Variants in SEC22C observed in about 807,000 individuals in gnomAD.
The protein encoded by SEC22C is vesicle-trafficking protein SEC22c.
SEC22C carries 29 observed loss-of-function variants against 34.7 expected under a neutral mutation model. The observed-to-expected ratio is 0.84, with a 90% CI of 0.62 to 1.14. The LOEUF (loss-of-function observed/expected upper bound fraction) is 1.14, where lower values mean the gene tolerates loss of function less well. SEC22C is among the 50% of genes most tolerant of loss of function. The probability of loss-of-function intolerance (pLI) is 0.00; values close to 1 mark genes in which losing one functional copy is unlikely to be tolerated. For missense variants in SEC22C, 337 were observed against 369.0 expected (o/e 0.91, Z 0.71); for synonymous variants, 117 against 132.8 (o/e 0.88, Z 0.82).
intron 1 of SEC22C, among the ~76,000 whole-genome samples, chr3:42,575,120 T>C (rs1332806968): frequency 6.6e-6 from 1 of 152,214 alleles, no homozygotes; most frequent in Non-Finnish European, 1.5e-5. Context: ...AGTACTGGGA[T>C]TACAGGCATG....
At chr3:42,590,753 T>C (rs528265692) in intron 1 of SEC22C, 3 of 862,922 alleles carry the variant, frequency 3.5e-6, no homozygotes, top group East Asian at 2.4e-5. Context: ...AAGCGCTGAG[T>C]ATAGCTCTTG....
chr3:42,550,489 C>T lies in SEC22C; in HGVS notation c.*2759G>A. ...GGATGAAATCACCAGAACTTCTTTC[C>T]TATTTTCAGTCTCTTCCTTCAGTGA... On this transcript the variant is annotated 3_prime_UTR_variant, in exon 7 of 7. Transcript: ENST00000264454. 4.1e-6 allele frequency: 4 copies of T among 985,456 alleles called. No individual in the cohort carries two copies. Among genetic ancestry groups the T allele is most frequent in the Non-Finnish European group, 4.8e-6 (4 of 829,938 alleles). The allele number at this position is 985,456 out of a possible 1,614,324, so 61.0% of individuals were successfully genotyped here.
chr3:42,600,597 C>A (rs2125747160), intron 1 of SEC22C: 1 of 154,550 alleles, frequency 6.5e-6, no homozygotes, highest in Non-Finnish European at 1.4e-5. Flanking sequence ...CTTCGGTTGA[C>A]CACCCCCATC....
intron 1 of SEC22C, among the ~76,000 whole-genome samples, chr3:42,593,397 ACAGAGCAAGACTCCGTCT>A (rs1460870010): frequency 1.3e-5 from 2 of 152,232 alleles, no homozygotes; most frequent in Non-Finnish European, 1.5e-5. Flanking sequence ...AGCCTGGGTG[ACAGAGCAAGACTCCGTCT>A]CAATAAATAA....
chr3:42,581,265 A>C (rs1257767065), intron 1 of SEC22C: 1 of 152,210 alleles, frequency 6.6e-6, no homozygotes. Flanking sequence ...TTCACCAATT[A>C]CTTTTCACAC....
At chr3:42,591,043 C>T in intron 1 of SEC22C, 6 of 1,468,566 alleles carry the variant, frequency 4.1e-6, no homozygotes, top group Non-Finnish European at 5.5e-6. Flanking sequence ...GAGAAGCATC[C>T]TGTAGTGAGC....
At chr3:42,600,727 C>G (rs1029350109) in intron 1 of SEC22C, 9 of 298,660 alleles carry the variant, frequency 3.0e-5, no homozygotes, top group African/African-American at 1.8e-4. Context: ...GCTGCAGTGG[C>G]AGTGCTTTCT....
chr3:42,598,480 A>G (rs1178703712), intron 1 of SEC22C, among the ~76,000 whole-genome samples: 1 of 152,072 alleles, frequency 6.6e-6, no homozygotes, highest in African/African-American at 2.4e-5. Context: ...GGTGCCTGCC[A>G]CCACGCCCTG....
rs1702506794 is a variant in SEC22C, at chr3:42,556,002, C to T, written c.646-7G>A. 2 of 1,609,162 alleles carry T rather than the reference C, an allele frequency of 1.2e-6. No individual in the cohort carries two copies. Among genetic ancestry groups the T allele is most frequent in the Non-Finnish European group, 1.7e-6 (2 of 1,176,360 alleles). On this transcript the variant is annotated splice_polypyrimidine_tract_variant and splice_region_variant and intron_variant, in intron 5 of 6. Transcript: ENST00000264454. ...CAATTTCCTCATGGGCAACCTAAAA[C>T]AAATACAAGGAACACAAGGAAAGGG...
At chr3:42,591,021 G>A (rs898543199) in intron 1 of SEC22C, 1 of 1,538,030 alleles carries the variant, frequency 6.5e-7, no homozygotes, top group Middle Eastern at 2.3e-4. Context: ...ATCCCGAGGG[G>A]CTGCGGGGTG....
chr3:42,556,376 C>A (rs1702529256), intron 5 of SEC22C, among the ~76,000 whole-genome samples: 1 of 152,250 alleles, frequency 6.6e-6, no homozygotes, highest in Admixed American at 6.5e-5. Flanking sequence ...GCCCCCAAGG[C>A]AGGGACTATG....
Position 42,550,173 on chromosome 3 carries a change from C to T in SEC22C, c.*3075G>A. ...TCTGGCCTTGATACAGTAGATGGGA[C>T]TTAACACACTCTGATGCTCAAGGCC... On this transcript the variant is annotated 3_prime_UTR_variant, in exon 7 of 7. Transcript: ENST00000264454. The T allele has an allele frequency of 1.0e-6, 1 of 985,488 alleles. No homozygotes were observed. Among genetic ancestry groups the T allele is most frequent in the African/African-American group, 1.7e-5 (1 of 57,390 alleles). 61.0% of individuals were successfully genotyped at this position (985,488 alleles called of 1,614,324 possible).
In SEC22C at chr3:42,548,980, A is replaced by G; in HGVS notation, c.*4268T>C. The G allele has an allele frequency of 9.1e-7, 1 of 1,095,718 alleles. No individual in the cohort carries two copies. Among genetic ancestry groups the G allele is most frequent in the Non-Finnish European group, 1.1e-6 (1 of 890,910 alleles). 67.9% of individuals were successfully genotyped at this position (1,095,718 alleles called of 1,614,324 possible). Reference sequence around the variant, plus strand: ...GGGGGGGCAGATTGATGTTATCACCATTTACCAGATGAGGAAACTGAGGCC... The same window carrying G: ...GGGGGGGCAGATTGATGTTATCACCGTTTACCAGATGAGGAAACTGAGGCC... On this transcript the variant is annotated 3_prime_UTR_variant, in exon 7 of 7. Coordinates refer to ENST00000264454, the MANE Select transcript of SEC22C (RefSeq NM_032970.4).
chr3:42,566,300 A>G (rs994473786), intron 2 of SEC22C, among the ~76,000 whole-genome samples: 3 of 152,182 alleles, frequency 2.0e-5, no homozygotes, highest in African/African-American at 7.2e-5. Flanking sequence ...GCCTGGGGTC[A>G]GGCCTGGACT....
intron 1 of SEC22C, chr3:42,580,447 A>T (rs1704260631): frequency 6.6e-6 from 1 of 152,206 alleles, no homozygotes; most frequent in South Asian, 2.1e-4. Context: ...ATTCACCTTC[A>T]GCCACAGGAC....
chr3:42,555,570 T>G (rs564387308), intron 6 of SEC22C, among the ~76,000 whole-genome samples: 1 of 152,322 alleles, frequency 6.6e-6, no homozygotes, highest in Non-Finnish European at 1.5e-5. Flanking sequence ...GTCCTAATAA[T>G]AAGCACAAGG....
intron 1 of SEC22C, among the ~76,000 whole-genome samples, chr3:42,580,788 CA>C: frequency 1.3e-5 from 2 of 152,196 alleles, no homozygotes; most frequent in Non-Finnish European, 2.9e-5. Flanking sequence ...TTGGGAATTA[CA>C]GCTACTCCCT....
chr3:42,593,356 G>T (rs959986016), intron 1 of SEC22C, among the ~76,000 whole-genome samples: 2 of 152,198 alleles, frequency 1.3e-5, no homozygotes, highest in African/African-American at 4.8e-5. Context: ...GGTGGAGGTT[G>T]CAGTGAGCCA....
intron 3 of SEC22C, among the ~76,000 whole-genome samples, 195 bp downstream of exon 3, chr3:42,563,328 G>C (rs1703037785): frequency 6.6e-6 from 1 of 152,230 alleles, no homozygotes; most frequent in Non-Finnish European, 1.5e-5. Context: ...GAGATGAAAA[G>C]CCAGAGTGTT....
Sources: gnomAD v4.1 joint callset for allele counts (sites outside exome capture counted in the v4.1 genomes callset) on GRCh38, gnomAD v4.1.1 for gene constraint, MANE v1.5 for transcripts, NCBI Gene and HGNC (gene_info 2026-07-23, HGNC 2026-07-21) for gene names.